The following RNF213 variants were observed in gnomAD, a reference collection of about 807,000 sequenced individuals.
The protein encoded by RNF213 is ring finger protein 213.
Under a neutral mutation model 514.4 loss-of-function variants are expected in RNF213, and 341 were observed. That is an observed-to-expected ratio of 0.66 (90% CI 0.61 to 0.73). The LOEUF is 0.73. Among genes scored for constraint, RNF213 ranks in the 30% least tolerant of loss-of-function variants. The pLI, the probability that RNF213 is intolerant of heterozygous loss-of-function variation, is 0.00. For synonymous variants in RNF213, 2,655 were observed against 2,658.2 expected (o/e 1.00, Z 0.04); for missense variants, 5,767 against 6,615.6 (o/e 0.87, Z 4.45).
Position 80,339,411 on chromosome 17 carries a change from C to A in RNF213, c.5044C>A (p.His1682Asn). 6.5e-7 allele frequency: 1 copy of A among 1,537,272 alleles called. No homozygotes were observed. The highest frequency in any genetic ancestry group is 2.4e-5 in the East Asian group (1 of 40,910). The change falls in exon 26 of 68, where the codon CAC (histidine) becomes AAC (asparagine). Residue 1682 changes from histidine to asparagine, a missense_variant. Physicochemically the swap from His to Asn is moderately conservative, Grantham distance 68 (BLOSUM62 1). Transcript: ENST00000582970. The part of the protein sequence containing the change: ...LLAALCRQME[H>N]FLDSWKRFVT... ...GGCAGCCCTCTGCAGGCAGATGGAG[C>A]ACTTCCTTGACAGCTGGAAGAGATT...
In RNF213 at chr17:80,264,372, G is replaced by T. The variant is rs1462452563; in HGVS notation, c.97+594G>T. Among the ~76,000 whole-genome samples, 1 of 152,104 alleles carries T rather than the reference G, an allele frequency of 6.6e-6. No individual in the cohort carries two copies. Among genetic ancestry groups the T allele is most frequent in the Non-Finnish European group, 1.5e-5 (1 of 68,000 alleles). On this transcript the variant is annotated intron_variant, in intron 2 of 67. Transcript: ENST00000582970. The surrounding 1 kb of genome is among the most constrained non-coding windows in gnomAD (Gnocchi z 5.0). ...ACCTCCCTGGCTCGGGAGGCCAGTG[G>T]AGAGACAGGAGCGGGGCAGTGTCAG...
chr17:80,298,152 G>GGGGCTGA (rs2045029394), intron 10 of RNF213, among the ~76,000 whole-genome samples, 169 bp from the exon 11 acceptor site: 1 of 152,126 alleles, frequency 6.6e-6, no homozygotes, highest in Non-Finnish European at 1.5e-5. Context: ...CCCTAGGCTG[G>GGGGCTGA]GGGCTGAGGG....
chr17:80,321,198 A>G (rs1487118501), intron 17 of RNF213: 3 of 152,224 alleles, frequency 2.0e-5, no homozygotes, highest in African/African-American at 7.2e-5. Flanking sequence ...TCTTATACAC[A>G]TAGCCTGAAG....
At chr17:80,273,428 C>T (rs1420358119) in intron 3 of RNF213, 24 bp downstream of exon 3, 4 of 1,610,186 alleles carry the variant, frequency 2.5e-6, no homozygotes, top group Non-Finnish European at 2.5e-6. Flanking sequence ...CTCGGCTCCC[C>T]TCCGCCCCCG....
At chr17:80,387,340 A>C (rs568162780) in intron 63 of RNF213, among the ~76,000 whole-genome samples, 60 of 152,328 alleles carry the variant, frequency 3.9e-4, no homozygotes, top group African/African-American at 1.4e-3. Context: ...TCTTGGGATC[A>C]AGGGATCCAC....
rs1599065698 is a variant in RNF213, at chr17:80,343,299, C to T, written c.6157C>T (p.Leu2053Phe). The change falls in exon 27 of 68, where the codon CTC becomes TTC. Residue 2053 changes from leucine to phenylalanine, a missense_variant. Coordinates refer to ENST00000582970, the MANE Select transcript of RNF213 (RefSeq NM_001256071.3). The surrounding 1 kb of genome is among the most constrained non-coding windows in gnomAD (Gnocchi z 4.3). ...TGCGCAGTATCAGAAGGTCCCCGTG[C>T]TCTTTCACCTGGACGTGACCTCCTC... Reference protein sequence around the residue: ...LDAQYQKVPVLFHLDVTSSVQ... With the variant: ...LDAQYQKVPVFFHLDVTSSVQ... 1.2e-6 allele frequency: 2 copies of T among 1,612,844 alleles called. No homozygotes were observed. Among genetic ancestry groups the T allele is most frequent in the Non-Finnish European group, 8.5e-7 (1 of 1,179,770 alleles).
intron 56 of RNF213, chr17:80,381,344 C>G: frequency 1.5e-6 from 1 of 653,698 alleles, no homozygotes; most frequent in Admixed American, 2.2e-5. Flanking sequence ...TCTGGATATT[C>G]TTTATCTCAC....
At chr17:80,296,324 T>C (rs1046774928) in intron 10 of RNF213, among the ~76,000 whole-genome samples, 4 of 152,222 alleles carry the variant, frequency 2.6e-5, no homozygotes, top group African/African-American at 7.2e-5. Context: ...TGGGTCTGAA[T>C]ACCCTGCTTT....
intron 7 of RNF213, among the ~76,000 whole-genome samples, chr17:80,291,255 T>C (rs1471631602): frequency 6.7e-6 from 1 of 149,640 alleles, no homozygotes; most frequent in East Asian, 1.9e-4. Flanking sequence ...TTTCTTTCTT[T>C]CTTATAATTT....
chr17:80,286,329 G>A (rs2044471274), intron 3 of RNF213, among the ~76,000 whole-genome samples: 1 of 152,180 alleles, frequency 6.6e-6, no homozygotes, highest in South Asian at 2.1e-4. Flanking sequence ...CTGAGCATGG[G>A]TTTCCTCTGA....
chr17:80,386,301 C>T lies in RNF213; in HGVS notation c.14591C>T (p.Thr4864Ile), dbSNP rs564933704. Residue 4864 changes from threonine to isoleucine, a missense_variant, in exon 62 of 68, where the codon ACT becomes ATT. Around this residue, in one of 13 missense-constraint regions of RNF213, gnomAD observed 1,245 missense variants for 1,339.0 expected, o/e 0.93. Transcript: ENST00000582970. ...DYCSTDLDLD[T>I]EFEILLPRRR... ...TGCAGCACTGACTTGGATCTGGACACTGAGTTTGAGATCCTCTTGCCACGC... is the reference window on the plus strand; with the variant it reads ...TGCAGCACTGACTTGGATCTGGACATTGAGTTTGAGATCCTCTTGCCACGC... 3.1e-6 allele frequency: 5 copies of T among 1,613,532 alleles called. No homozygotes were observed. In the South Asian group the frequency reaches 5.5e-5, roughly 18 times the overall value.
intron 57 of RNF213, chr17:80,382,699 A>C: frequency 8.1e-6 from 3 of 368,364 alleles, no homozygotes; most frequent in Non-Finnish European, 1.0e-5. Context: ...CACTCTTACT[A>C]TTGAGCTCAA....
chr17:80,307,854 G>GT (rs59352873), intron 13 of RNF213, among the ~76,000 whole-genome samples: 2,047 of 130,554 alleles, frequency 0.016, 30 homozygotes, highest in East Asian at 0.077. Flanking sequence ...CTGGCCGTCT[G>GT]TTTTTTTTTT....
At chr17:80,385,414 C>T (rs1599206509) in intron 60 of RNF213, 124 bp from the exon 61 acceptor site, 1 of 950,590 alleles carries the variant, frequency 1.1e-6, no homozygotes, top group East Asian at 2.6e-5. Flanking sequence ...AACAGCACCT[C>T]AGACATGCTT....
At chr17:80,292,389 G>A (rs2044763786) in intron 8 of RNF213, among the ~76,000 whole-genome samples, 1 of 152,172 alleles carries the variant, frequency 6.6e-6, no homozygotes, top group Non-Finnish European at 1.5e-5. Flanking sequence ...TTAATTAAGG[G>A]AAAGGAGAGA....
At chr17:80,362,613 GCA>G (rs1388385252) in intron 39 of RNF213, among the ~76,000 whole-genome samples, 1 of 152,252 alleles carries the variant, frequency 6.6e-6, no homozygotes, top group Non-Finnish European at 1.5e-5. Context: ...AGTGTAGCGT[GCA>G]CAGTGGGCGC....
intron 21 of RNF213, 46 bp downstream of exon 21, chr17:80,332,677 CCTCAGCCTCTT>C (rs1377529876): frequency 1.9e-5 from 28 of 1,449,480 alleles, no homozygotes; most frequent in Non-Finnish European, 2.3e-5. Context: ...GGGCGTCCTG[CCTCAGCCTCTT>C]CAGGAGCCAT....
rs796702831 is a variant in RNF213, at chr17:80,277,920, C to T, written c.261+4516C>T. Among the ~76,000 whole-genome samples the T allele has an allele frequency of 3.9e-5, 6 of 152,342 alleles. 1 individual carries two copies. Among genetic ancestry groups the T allele is most frequent in the African/African-American group, 1.4e-4 (6 of 41,588 alleles). On this transcript the variant is annotated intron_variant, in intron 3 of 67. Transcript: ENST00000582970. The stretch of plus-strand genomic sequence containing the variant: ...AGCAGAGTCAGGTGGTCAGTCCTCA[C>T]CTGCAGTCATGGGGTGGGTGGAGAG...
In RNF213 at chr17:80,339,099, G is replaced by T. The variant is rs1288068350; in HGVS notation, c.4834-102G>T. ...GCGCAGATCATGCAGTGGGCCTGTGGACAGGGCCGTCTTTTGGCGGTAGGC... is the reference window on the plus strand; with the variant it reads ...GCGCAGATCATGCAGTGGGCCTGTGTACAGGGCCGTCTTTTGGCGGTAGGC... On this transcript the variant is annotated intron_variant, in intron 25 of 67. Transcript: ENST00000582970. The T allele has an allele frequency of 4.1e-6, 4 of 977,680 alleles. No individual in the cohort carries two copies. The African/African-American group carries it at 6.6e-5, about 16-fold the overall frequency. The allele number at this position is 977,680 out of a possible 1,614,324, so 60.6% of individuals were successfully genotyped here. A position where few individuals can be genotyped will look rare whatever the true frequency, so the allele number is the denominator to read the frequency against.
Sources: gnomAD v4.1 joint callset for allele counts (sites outside exome capture counted in the v4.1 genomes callset) on GRCh38, gnomAD v4.1.1 for gene constraint, gnomAD v4.1.1 regional missense constraint, Gnocchi (gnomAD v3.1) non-coding constraint, MANE v1.5 for transcripts, NCBI Gene and HGNC (gene_info 2026-07-23, HGNC 2026-07-21) for gene names.